Variants in SPAG16 observed in about 807,000 individuals in gnomAD.
The protein encoded by SPAG16 is sperm-associated antigen 16 protein.
In SPAG16, 86 loss-of-function variants were observed where a neutral mutation model predicts 80.4. That is an observed-to-expected ratio of 1.07 (90% confidence interval 0.90 to 1.28). The LOEUF (loss-of-function observed/expected upper bound fraction) is 1.28, where lower values mean the gene tolerates loss of function less well. Ranked by LOEUF, SPAG16 falls within the 50% of genes most tolerant of loss-of-function variation. The probability of loss-of-function intolerance (pLI) is 0.00; values close to 1 mark genes in which losing one functional copy is unlikely to be tolerated. For missense variants in SPAG16, 870 were observed against 765.3 expected (o/e 1.14, Z -1.61); for synonymous variants, 294 against 265.9 (o/e 1.11, Z -1.03).
intron 9 of SPAG16, among the ~76,000 whole-genome samples, chr2:213,418,168 G>A (rs186379071): frequency 2.0e-5 from 3 of 152,074 alleles, no homozygotes; most frequent in African/African-American, 2.4e-5. Context: ...CCATGTGCCC[G>A]GCCTACAGCA....
chr2:214,236,164 G>C (rs1353413327), intron 15 of SPAG16, among the ~76,000 whole-genome samples: 1 of 152,122 alleles, frequency 6.6e-6, no homozygotes, highest in African/African-American at 2.4e-5. Flanking sequence ...TGCTAACTCA[G>C]ATCAATTAGT....
intron 10 of SPAG16, among the ~76,000 whole-genome samples, chr2:213,671,400 A>C (rs2125221913): frequency 6.6e-6 from 1 of 152,248 alleles, no homozygotes; most frequent in South Asian, 2.1e-4. Flanking sequence ...GATTTCTCTA[A>C]GAACTCTCAG....
chr2:214,193,155 C>A (rs755424746), intron 15 of SPAG16, among the ~76,000 whole-genome samples: 2 of 151,956 alleles, frequency 1.3e-5, no homozygotes, highest in South Asian at 2.1e-4. Flanking sequence ...GGCATAATTT[C>A]TCAGACATTT....
At chr2:213,428,358 A>C (rs775807911) in intron 9 of SPAG16, among the ~76,000 whole-genome samples, 18 of 152,152 alleles carry the variant, frequency 1.2e-4, no homozygotes, top group Non-Finnish European at 2.1e-4. Flanking sequence ...AGGCTAAAAC[A>C]CTATGAGAAG....
intron 12 of SPAG16, among the ~76,000 whole-genome samples, chr2:213,948,236 T>C (rs1487715306): frequency 6.6e-6 from 1 of 152,130 alleles, no homozygotes; most frequent in Admixed American, 6.5e-5. Flanking sequence ...CTTTTCCCCT[T>C]ATTAGGGTCA....
intron 10 of SPAG16, among the ~76,000 whole-genome samples, chr2:213,702,406 T>C (rs1027520249): frequency 6.6e-6 from 1 of 152,208 alleles, no homozygotes; most frequent in Non-Finnish European, 1.5e-5. Context: ...GCAGCATTTA[T>C]GAGCTGTAAC....
intron 13 of SPAG16, among the ~76,000 whole-genome samples, chr2:214,034,037 T>G (rs1436175483): frequency 3.3e-5 from 5 of 151,838 alleles, no homozygotes; most frequent in Non-Finnish European, 7.4e-5. Flanking sequence ...TCTCTTTCAT[T>G]GTGTTTCATG....
At chr2:213,904,477 G>T (rs559576818) in intron 11 of SPAG16, among the ~76,000 whole-genome samples, 2 of 151,534 alleles carry the variant, frequency 1.3e-5, no homozygotes, top group South Asian at 4.2e-4. Flanking sequence ...CCATCCCCAT[G>T]ATGCAAATTA....
intron 10 of SPAG16, among the ~76,000 whole-genome samples, chr2:213,836,898 G>A (rs2074118504): frequency 6.6e-6 from 1 of 152,120 alleles, no homozygotes. Context: ...ACAGGCATGA[G>A]CCACCAGGCC....
chr2:214,052,358 A>C (rs2049694959), intron 13 of SPAG16, among the ~76,000 whole-genome samples: 1 of 152,232 alleles, frequency 6.6e-6, no homozygotes, highest in Non-Finnish European at 1.5e-5. Flanking sequence ...CTTTGTTCAC[A>C]GTTACACAGC....
intron 2 of SPAG16, 63 bp downstream of exon 2, chr2:213,296,173 C>G (rs74502509): frequency 0.039 from 46,454 of 1,204,384 alleles, 1,217 homozygotes; most frequent in Non-Finnish European, 0.044. Flanking sequence ...ATGAAATGCT[C>G]ATTTTATTTT....
At chr2:213,930,194 G>C (rs375383090) in intron 12 of SPAG16, 49 bp downstream of exon 12, 1 of 1,396,650 alleles carries the variant, frequency 7.2e-7, no homozygotes, top group Non-Finnish European at 9.6e-7. Flanking sequence ...ATACATATAC[G>C]TGGGTAAAGT....
At chr2:213,303,624 A>G (rs2062831367) in intron 3 of SPAG16, among the ~76,000 whole-genome samples, 1 of 152,110 alleles carries the variant, frequency 6.6e-6, no homozygotes, top group South Asian at 2.1e-4. Flanking sequence ...AAGTGAGAAC[A>G]TGTGAAGTTT....
intron 9 of SPAG16, 116 bp from the exon 10 acceptor site, chr2:213,489,847 T>C (rs1219716887): frequency 2.5e-6 from 2 of 800,630 alleles, no homozygotes; most frequent in East Asian, 6.4e-5. Flanking sequence ...AAGGACTTCA[T>C]GTAAATTCTG....
At chr2:213,697,056 T>C (rs973748324) in intron 10 of SPAG16, among the ~76,000 whole-genome samples, 2 of 152,060 alleles carry the variant, frequency 1.3e-5, no homozygotes, top group African/African-American at 4.8e-5. Flanking sequence ...AGAGCACAAA[T>C]TGAGGGATAG....
intron 9 of SPAG16, among the ~76,000 whole-genome samples, chr2:213,479,913 A>T (rs112331897): frequency 5.9e-5 from 9 of 152,288 alleles, no homozygotes; most frequent in African/African-American, 2.2e-4. Flanking sequence ...TGTTGAGGTG[A>T]TCTACGTGTT....
intron 10 of SPAG16, among the ~76,000 whole-genome samples, chr2:213,728,941 C>CCTTGACCACA (rs2066907965): frequency 7.2e-6 from 1 of 138,080 alleles, no homozygotes; most frequent in South Asian, 2.3e-4. Context: ...ATGATGGCAG[C>CCTTGACCACA]CTTGACCACA....
At chr2:213,734,062 C>A (rs1026083578) in intron 10 of SPAG16, among the ~76,000 whole-genome samples, 24 of 152,138 alleles carry the variant, frequency 1.6e-4, no homozygotes, top group African/African-American at 5.6e-4. Context: ...AATATAACAT[C>A]TGTCACTTCT....
intron 12 of SPAG16, among the ~76,000 whole-genome samples, chr2:213,932,367 C>A (rs903619154): frequency 7.3e-5 from 11 of 151,418 alleles, no homozygotes; most frequent in African/African-American, 2.7e-4. Context: ...AGGCACGTGC[C>A]ACCACACCTG....
Sources: gnomAD v4.1 joint callset for allele counts (sites outside exome capture counted in the v4.1 genomes callset) on GRCh38, gnomAD v4.1.1 for gene constraint, MANE v1.5 for transcripts, NCBI Gene and HGNC (gene_info 2026-07-23, HGNC 2026-07-21) for gene names.